EPHB1: variants seen among roughly 807,000 people sequenced by gnomAD.
EPHB1 encodes the protein EPH receptor B1.
Under a neutral mutation model 94.4 loss-of-function variants are expected in EPHB1, and 30 were observed. The observed-to-expected ratio is 0.32, with a 90% CI of 0.24 to 0.43. The LOEUF is 0.43. Among genes scored for constraint, EPHB1 ranks in the 20% least tolerant of loss-of-function variants. The probability of loss-of-function intolerance (pLI) is 1.00; values close to 1 mark genes in which losing one functional copy is unlikely to be tolerated. For synonymous variants in EPHB1, 522 were observed against 489.1 expected (o/e 1.07, Z -0.89); for missense variants, 1,055 against 1,308.3 (o/e 0.81, Z 2.99).
At chr3:134,829,512 A>G (rs1234407251) in intron 1 of EPHB1, among the ~76,000 whole-genome samples, 3 of 151,892 alleles carry the variant, frequency 2.0e-5, no homozygotes, top group African/African-American at 7.3e-5. Flanking sequence ...CTTCCCTTCA[A>G]TCCTTCTTAG....
chr3:135,044,570 C>G (rs903660512), intron 3 of EPHB1, among the ~76,000 whole-genome samples: 1 of 152,200 alleles, frequency 6.6e-6, no homozygotes, highest in Non-Finnish European at 1.5e-5. Flanking sequence ...CCCACTGCTT[C>G]ACCTCTTTAG....
intron 3 of EPHB1, among the ~76,000 whole-genome samples, chr3:135,065,645 A>G (rs908596985): frequency 1.3e-5 from 2 of 152,176 alleles, no homozygotes; most frequent in Admixed American, 1.3e-4. Flanking sequence ...TCCATTCTGC[A>G]GTTCTGTATC....
intron 9 of EPHB1, among the ~76,000 whole-genome samples, chr3:135,176,273 A>C (rs1463076118): frequency 1.3e-5 from 2 of 152,204 alleles, no homozygotes; most frequent in African/African-American, 2.4e-5. Flanking sequence ...CTTAGGGGAA[A>C]GTCATTGAGT....
intron 1 of EPHB1, among the ~76,000 whole-genome samples, chr3:134,882,684 CCTT>C (rs1273715962): frequency 9.1e-4 from 138 of 151,252 alleles, no homozygotes; most frequent in African/African-American, 3.2e-3. Context: ...TTCCTTCTTT[CCTT>C]CTTCTTTCCT....
intron 3 of EPHB1, among the ~76,000 whole-genome samples, chr3:135,088,921 C>T (rs1275982938): frequency 6.6e-6 from 1 of 152,160 alleles, no homozygotes; most frequent in Non-Finnish European, 1.5e-5. Context: ...GCAGTTATTT[C>T]ATGCCAGATA....
intron 14 of EPHB1, among the ~76,000 whole-genome samples, chr3:135,248,981 A>G (rs34340628): frequency 0.096 from 14,573 of 152,146 alleles, 751 homozygotes; most frequent in Middle Eastern, 0.2. Flanking sequence ...GGAGGTTGTG[A>G]TAAAATATGC....
intron 3 of EPHB1, among the ~76,000 whole-genome samples, chr3:135,012,496 G>T (rs952568056): frequency 1.3e-5 from 2 of 152,192 alleles, no homozygotes; most frequent in Admixed American, 6.5e-5. Context: ...ATTAAAACAA[G>T]AAAAATACCC....
rs151025986 is a variant in EPHB1 at position 135,124,889 on chromosome 3, G to A, written c.962-7825G>A. 2.6e-5 allele frequency among the ~76,000 whole-genome samples: 4 copies of A among 151,708 alleles called. No individual in the cohort carries two copies. In the East Asian group the frequency reaches 5.8e-4, roughly 22 times the overall value. On this transcript the variant is annotated intron_variant, in intron 4 of 15. Transcript: ENST00000398015. ...GACAGGAGCCTCAAAGGATGCCTGA[G>A]CTTGCGGTGAGACAGGCATCAGCCA...
chr3:134,968,543 A>C (rs573905568), intron 3 of EPHB1, among the ~76,000 whole-genome samples: 1 of 152,342 alleles, frequency 6.6e-6, no homozygotes, highest in South Asian at 2.1e-4. Context: ...TTTGTTAGTT[A>C]ACATTTTTTA....
At chr3:135,074,824 C>G (rs1937852411) in intron 3 of EPHB1, among the ~76,000 whole-genome samples, 1 of 152,070 alleles carries the variant, frequency 6.6e-6, no homozygotes, top group Non-Finnish European at 1.5e-5. Flanking sequence ...TGCATGTGAC[C>G]TCTAAGTAAA....
chr3:135,075,325 A>G (rs992048049), intron 3 of EPHB1, among the ~76,000 whole-genome samples: 6 of 152,124 alleles, frequency 3.9e-5, no homozygotes, highest in African/African-American at 1.2e-4. Context: ...TGTCAACTGC[A>G]GGGTTAGATT....
chr3:135,211,261 C>A (rs566450401), intron 12 of EPHB1, among the ~76,000 whole-genome samples: 2 of 152,186 alleles, frequency 1.3e-5, no homozygotes, highest in Non-Finnish European at 2.9e-5. Context: ...TATATATGTT[C>A]CATCTACATA....
chr3:134,984,319 C>T (rs1934516675), intron 3 of EPHB1, among the ~76,000 whole-genome samples: 1 of 152,086 alleles, frequency 6.6e-6, no homozygotes, highest in South Asian at 2.1e-4. Context: ...CACCACTGAT[C>T]CCACCACCCA....
intron 3 of EPHB1, among the ~76,000 whole-genome samples, chr3:135,053,935 T>G (rs1168723812): frequency 6.6e-6 from 1 of 151,966 alleles, no homozygotes; most frequent in Non-Finnish European, 1.5e-5. Context: ...AAGGCCGCAG[T>G]AAGCTATGAT....
At chr3:134,852,708 A>G (rs2037017197) in intron 1 of EPHB1, 1 of 152,060 alleles carries the variant, frequency 6.6e-6, no homozygotes, top group Non-Finnish European at 1.5e-5. Flanking sequence ...TGTGTGAAAG[A>G]GAGAAAGATA....
rs772438087 is a variant in EPHB1, at chr3:135,215,185, C to CA, written c.2346+13497dup. On this transcript the variant is annotated intron_variant, in intron 12 of 15. Coordinates refer to ENST00000398015, the MANE Select transcript of EPHB1 (RefSeq NM_004441.5). ...TCTTTTTTCTTTTTTTTTTTTAAGA[C>CA]AGAGTTTTGCTCTTGTTGCCCAGGC... Among the ~76,000 whole-genome samples the CA allele has an allele frequency of 2.7e-5, 4 of 150,446 alleles. No individual in the cohort carries two copies. In the South Asian group the frequency reaches 8.4e-4, roughly 32 times the overall value.
intron 1 of EPHB1, among the ~76,000 whole-genome samples, chr3:134,887,245 T>C (rs6439535): frequency 0.52 from 79,494 of 151,938 alleles, 21,096 homozygotes; most frequent in South Asian, 0.62. Context: ...CCTCATGTGA[T>C]CATCATCTTC....
chr3:135,010,813 C>T (rs1297299906), intron 3 of EPHB1, among the ~76,000 whole-genome samples: 3 of 152,144 alleles, frequency 2.0e-5, no homozygotes, highest in South Asian at 2.1e-4. Flanking sequence ...CCACCTACCT[C>T]GGCCTCCAAA....
chr3:135,126,055 A>G (rs780836379), intron 4 of EPHB1, among the ~76,000 whole-genome samples: 3 of 152,172 alleles, frequency 2.0e-5, no homozygotes, highest in Non-Finnish European at 4.4e-5. Context: ...ATTCTGGACC[A>G]TGCTACTTTC....
Sources: gnomAD v4.1 joint callset for allele counts (sites outside exome capture counted in the v4.1 genomes callset) on GRCh38, gnomAD v4.1.1 for gene constraint, MANE v1.5 for transcripts, NCBI Gene and HGNC (gene_info 2026-07-23, HGNC 2026-07-21) for gene names.